MSR1: variants seen among roughly 807,000 people sequenced by gnomAD.
MSR1 encodes the protein macrophage scavenger receptor types I and II.
MSR1 carries 53 observed loss-of-function variants against 47.2 expected under a neutral mutation model. The observed-to-expected ratio is 1.12, with a 90% CI of 0.90 to 1.41. The LOEUF is 1.41. MSR1 is among the 40% of genes most tolerant of loss of function. The probability of loss-of-function intolerance (pLI) is 0.00; values close to 1 mark genes in which losing one functional copy is unlikely to be tolerated. For missense variants in MSR1, 786 were observed against 546.9 expected (o/e 1.44, Z -4.36); for synonymous variants, 239 against 185.6 (o/e 1.29, Z -2.34).
intron 9 of MSR1, among the ~76,000 whole-genome samples, chr8:16,111,754 A>G (rs180895049): frequency 6.6e-6 from 1 of 152,164 alleles, no homozygotes; most frequent in Non-Finnish European, 1.5e-5. Flanking sequence ...GTGATGTATT[A>G]TTCCATGCAA....
At chr8:16,191,741 A>T (rs1366714707) in intron 1 of MSR1, among the ~76,000 whole-genome samples, 3 of 152,092 alleles carry the variant, frequency 2.0e-5, no homozygotes, top group Non-Finnish European at 2.9e-5. Flanking sequence ...ACTGCATAAA[A>T]CATCTGTAAT....
chr8:16,180,605 C>T (rs952319234), intron 1 of MSR1, among the ~76,000 whole-genome samples: 1 of 152,180 alleles, frequency 6.6e-6, no homozygotes, highest in Non-Finnish European at 1.5e-5. Flanking sequence ...GGACTTAGCA[C>T]AGCACAGTTC....
intron 1 of MSR1, among the ~76,000 whole-genome samples, chr8:16,190,541 G>A (rs1183278055): frequency 6.6e-6 from 1 of 151,754 alleles, no homozygotes; most frequent in African/African-American, 2.4e-5. Flanking sequence ...GTTCTTCTTG[G>A]GTTATTATCT....
intron 1 of MSR1, among the ~76,000 whole-genome samples, chr8:16,185,439 T>G (rs1801966698): frequency 6.6e-6 from 1 of 152,178 alleles, no homozygotes; most frequent in Non-Finnish European, 1.5e-5. Context: ...GGTTATATCA[T>G]CCATTTACAT....
At chr8:16,179,035 T>C (rs887171552) in intron 1 of MSR1, among the ~76,000 whole-genome samples, 3 of 152,238 alleles carry the variant, frequency 2.0e-5, no homozygotes, top group Admixed American at 2.0e-4. Flanking sequence ...GACAGATGTA[T>C]GTGGAACCCT....
chr8:16,110,111 C>A lies in MSR1; in HGVS notation c.1330G>T (p.Asp444Tyr). 1.4e-5 allele frequency: 23 copies of A among 1,613,668 alleles called. No homozygotes were observed. The highest frequency in any genetic ancestry group is 1.9e-5 in the Non-Finnish European group (23 of 1,179,710). ...WGTRACSHSE[D>Y]AGVTCTL is the part of the protein sequence containing the mutation. ...TATAAAGTGCAAGTGACTCCAGCAT[C>A]TTCAGAATGTGAACAGGCTCTTGTC... Residue 444 changes from aspartate (D) to tyrosine (Y), a missense_variant, in exon 10 of 10, where the codon GAT becomes TAT. Coordinates refer to ENST00000262101, the MANE Select transcript of MSR1 (RefSeq NM_138715.3).
At chr8:16,191,629 C>G (rs990898610) in intron 1 of MSR1, among the ~76,000 whole-genome samples, 1 of 151,922 alleles carries the variant, frequency 6.6e-6, no homozygotes, top group Admixed American at 6.6e-5. Flanking sequence ...GTGTAAGTAA[C>G]TAGTCAAGTT....
intron 4 of MSR1, among the ~76,000 whole-genome samples, chr8:16,166,621 T>C (rs1054465647): frequency 6.6e-6 from 1 of 152,124 alleles, no homozygotes; most frequent in Non-Finnish European, 1.5e-5. Context: ...CTACCACCAG[T>C]GACCCTCCTA....
At chr8:16,112,942 A>AT (rs1563136141) in intron 9 of MSR1, among the ~76,000 whole-genome samples, 5,997 of 117,478 alleles carry the variant, frequency 0.051, 158 homozygotes, top group South Asian at 0.099. Context: ...ATTTTTTTTA[A>AT]GTTTTTTTTT....
intron 8 of MSR1, among the ~76,000 whole-genome samples, chr8:16,125,183 T>G (rs184243543): frequency 7.9e-5 from 12 of 152,230 alleles, no homozygotes; most frequent in Non-Finnish European, 1.5e-4. Flanking sequence ...AGACTAATGT[T>G]AAACAGAATC....
At chr8:16,191,466 G>A (rs946627379) in intron 1 of MSR1, among the ~76,000 whole-genome samples, 1 of 152,070 alleles carries the variant, frequency 6.6e-6, no homozygotes, top group African/African-American at 2.4e-5. Context: ...TTTGTAAATT[G>A]CCTGGTACAC....
intron 3 of MSR1, among the ~76,000 whole-genome samples, chr8:16,172,783 A>C (rs1393439545): frequency 1.3e-5 from 2 of 152,142 alleles, no homozygotes; most frequent in African/African-American, 4.8e-5. Flanking sequence ...AAGATTGTAA[A>C]TGGAATAAAC....
At position 16,140,648 on chromosome 8, in the gene MSR1, A is replaced by G. The variant is rs561891464; in HGVS notation, c.1033+2910T>C. The G allele has an allele frequency of 1.7e-5, 21 of 1,201,672 alleles. No homozygotes were observed. The East Asian group carries it at 2.5e-4, about 14-fold the overall frequency. The allele number at this position is 1,201,672 out of a possible 1,614,324, so 74.4% of individuals were successfully genotyped here. ...AACACAGCAGTTCTCCTAGAACCCAATAAATTAAATTGGGTTCAAGACTCT... is the reference window on the plus strand; with the variant it reads ...AACACAGCAGTTCTCCTAGAACCCAGTAAATTAAATTGGGTTCAAGACTCT... On this transcript the variant is annotated intron_variant, in intron 8 of 9. Transcript: ENST00000262101.
chr8:16,186,231 T>C (rs1363370440), intron 1 of MSR1: 2 of 1,532,142 alleles, frequency 1.3e-6, no homozygotes, highest in South Asian at 1.2e-5. Flanking sequence ...TATTTATTTC[T>C]GGGTATTCCT....
intron 8 of MSR1, among the ~76,000 whole-genome samples, chr8:16,123,291 G>C (rs1800048281): frequency 6.6e-6 from 1 of 152,104 alleles, no homozygotes; most frequent in Admixed American, 6.6e-5. Flanking sequence ...ATAGAGGAAA[G>C]GCGTCTCAAT....
At chr8:16,129,784 G>C (rs1486807545) in intron 8 of MSR1, among the ~76,000 whole-genome samples, 1 of 151,288 alleles carries the variant, frequency 6.6e-6, no homozygotes, top group African/African-American at 2.4e-5. Context: ...CTTAAGGGCA[G>C]GACATTTCCA....
intron 7 of MSR1, among the ~76,000 whole-genome samples, chr8:16,149,461 T>C (rs1415757713): frequency 1.3e-5 from 2 of 151,970 alleles, no homozygotes; most frequent in Non-Finnish European, 2.9e-5. Flanking sequence ...ACTCCTGAGC[T>C]AAGCAATCCT....
Position 16,139,670 on chromosome 8 carries a change from A to G in MSR1, c.1033+3888T>C, listed in dbSNP as rs13306552. On this transcript the variant is annotated intron_variant, in intron 8 of 9. Coordinates refer to ENST00000262101, the MANE Select transcript of MSR1 (RefSeq NM_138715.3). Reference sequence around the variant, plus strand: ...CAAAATATTTTTGTTTGAAATGACCAGGTAATACATGAAAAGTTTTATTTT... The same window carrying G: ...CAAAATATTTTTGTTTGAAATGACCGGGTAATACATGAAAAGTTTTATTTT... 47 of 974,624 alleles carry G rather than the reference A, an allele frequency of 4.8e-5. No homozygotes were observed. The East Asian group carries it at 4.8e-3, about 100-fold the overall frequency. 60.4% of individuals were successfully genotyped at this position (974,624 alleles called of 1,614,324 possible).
intron 4 of MSR1, among the ~76,000 whole-genome samples, chr8:16,167,774 TTC>T (rs1156360011): frequency 6.6e-6 from 1 of 152,340 alleles, no homozygotes; most frequent in Admixed American, 6.5e-5. Flanking sequence ...CATTTTCGCT[TTC>T]TGTCTTTCTT....
Sources: allele counts gnomAD v4.1 joint callset (sites outside exome capture counted in the v4.1 genomes callset), GRCh38; gene constraint gnomAD v4.1.1; transcripts MANE v1.5; gene names NCBI Gene and HGNC (gene_info 2026-07-23, HGNC 2026-07-21).